DOCK8: variants seen among roughly 807,000 people sequenced by gnomAD.
DOCK8 encodes dedicator of cytokinesis 8.
In DOCK8, 141 loss-of-function variants were observed where a neutral mutation model predicts 245.6. That is an observed-to-expected ratio of 0.57 (90% CI 0.50 to 0.66). The LOEUF is 0.66. Ranked by LOEUF, DOCK8 falls within the 30% of genes least tolerant of loss-of-function variation. The pLI is 0.00. For synonymous variants in DOCK8, 1,168 were observed against 970.2 expected (o/e 1.20, Z -3.79); for missense variants, 2,965 against 2,603.4 (o/e 1.14, Z -3.02).
At chr9:259,463 A>T (rs1480168891) in intron 1 of DOCK8, among the ~76,000 whole-genome samples, 3 of 152,258 alleles carry the variant, frequency 2.0e-5, no homozygotes, top group Non-Finnish European at 4.4e-5. Flanking sequence ...TAATAAGCAT[A>T]GTAACTAACA....
chr9:220,085 C>G (rs774125092), intron 1 of DOCK8, among the ~76,000 whole-genome samples: 182 of 152,158 alleles, frequency 1.2e-3, no homozygotes, highest in Non-Finnish European at 2.2e-3. Context: ...GTGGGGGTGG[C>G]TGGCAGAGTG....
At chr9:352,120 A>G (rs1236043628) in intron 14 of DOCK8, among the ~76,000 whole-genome samples, 9 of 152,082 alleles carry the variant, frequency 5.9e-5, no homozygotes. Context: ...AACTCGGGGA[A>G]TGGGAGGCAT....
rs202229906 is a variant in DOCK8, at chr9:406,488, CAAAAAAAAA to C, written c.3391-428_3391-420del. Among the ~76,000 whole-genome samples, 93 of 95,256 alleles carry C rather than the reference CAAAAAAAAA, an allele frequency of 9.8e-4. 1 individual carries two copies. Among genetic ancestry groups the C allele is most frequent in the East Asian group, 1.7e-3 (7 of 4,224 alleles). 62.5% of individuals were successfully genotyped at this position (95,256 alleles called of 152,430 possible). A position where few individuals can be genotyped will look rare whatever the true frequency, so the allele number is the denominator to read the frequency against. On this transcript the variant is annotated intron_variant, in intron 27 of 47. Coordinates refer to ENST00000432829, the MANE Select transcript of DOCK8 (RefSeq NM_203447.4). ...GGTAACAGAGTGACACTCTGTCTTT[CAAAAAAAAA>C]AAAAAAAAAAAAAGAAGGTACCTGA...
chr9:211,437 A>G (rs960517456), upstream of DOCK8, among the ~76,000 whole-genome samples: 121 of 152,276 alleles, frequency 7.9e-4, no homozygotes, highest in African/African-American at 2.8e-3. Context: ...ATATGGTGAA[A>G]CAGGTATTTT....
chr9:352,639 A>AG (rs1036255155), intron 14 of DOCK8, among the ~76,000 whole-genome samples: 2 of 151,326 alleles, frequency 1.3e-5, no homozygotes, highest in African/African-American at 4.9e-5. Context: ...GCTACTTGGG[A>AG]GGCTGGGGCA....
chr9:247,944 T>C (rs1292603799), intron 1 of DOCK8, among the ~76,000 whole-genome samples: 3 of 150,358 alleles, frequency 2.0e-5, no homozygotes, highest in Non-Finnish European at 4.4e-5. Context: ...CCCCAATGTA[T>C]ATTGTATTAA....
chr9:399,107 T>A (rs766321773), intron 25 of DOCK8, 39 bp from the exon 26 acceptor site: 1 of 1,582,088 alleles, frequency 6.3e-7, no homozygotes, highest in Non-Finnish European at 8.7e-7. Flanking sequence ...AAATCCAGAG[T>A]GTCCCACAAA....
At chr9:398,290 G>A (rs141496586) in intron 25 of DOCK8, among the ~76,000 whole-genome samples, 1 of 152,158 alleles carries the variant, frequency 6.6e-6, no homozygotes, top group African/African-American at 2.4e-5. Context: ...AGAGTTCGAG[G>A]ACCTCTCAGC....
intron 20 of DOCK8, among the ~76,000 whole-genome samples, chr9:377,847 G>A (rs1294969862): frequency 3.3e-5 from 5 of 152,166 alleles, no homozygotes; most frequent in African/African-American, 4.8e-5. Context: ...TAAATACAAT[G>A]TGTACATTTT....
In DOCK8 at chr9:336,660, A is replaced by G; in HGVS notation, c.1364A>G (p.Asn455Ser). The change falls in exon 12 of 48, where the codon AAT becomes AGT. Residue 455 changes from asparagine to serine, a missense_variant. By Grantham distance (46) the Asn-to-Ser change is conservative. Around this residue, in one of 3 missense-constraint regions of DOCK8, gnomAD observed 2,825 missense variants for 2,453.5 expected, o/e 1.15. Coordinates refer to ENST00000432829, the MANE Select transcript of DOCK8 (RefSeq NM_203447.4). ...GAAAGAGCCCTCTCCTTGGAGGAAA[A>G]TGGGGTTGGATCCAACTTCAAAACC... ...LSERALSLEE[N>S]GVGSNFKTST... 4 of 1,614,106 alleles carry G rather than the reference A, an allele frequency of 2.5e-6. No individual in the cohort carries two copies. The highest frequency in any genetic ancestry group is 3.4e-6 in the Non-Finnish European group (4 of 1,180,006).
At chr9:392,046 G>A (rs2054217069) in intron 24 of DOCK8, among the ~76,000 whole-genome samples, 1 of 151,520 alleles carries the variant, frequency 6.6e-6, no homozygotes, top group African/African-American at 2.4e-5. Context: ...GCTGAGGCAG[G>A]AGAATTGCTT....
chr9:378,460 C>T (rs2053605629), intron 20 of DOCK8, among the ~76,000 whole-genome samples: 1 of 152,234 alleles, frequency 6.6e-6, no homozygotes, highest in Admixed American at 6.5e-5. Flanking sequence ...CCCTTAATCT[C>T]TCACTCTGCT....
In DOCK8 at chr9:464,077, A is replaced by G. The variant is rs957640656; in HGVS notation, c.6240-82A>G. 1.3e-5 allele frequency: 16 copies of G among 1,215,326 alleles called. No individual in the cohort carries two copies. In the African/African-American group the frequency reaches 1.6e-4, roughly 13 times the overall value. 75.3% of individuals were successfully genotyped at this position (1,215,326 alleles called of 1,614,324 possible). A position where few individuals can be genotyped will look rare whatever the true frequency, so the allele number is the denominator to read the frequency against. The stretch of plus-strand genomic sequence containing the variant: ...ATTTCTACTGGGTGATCCACCCCCA[A>G]CCCTTTCTAAAAGGCTAACTGATCT... On this transcript the variant is annotated intron_variant, in intron 47 of 47. Transcript: ENST00000432829.
chr9:355,974 G>T (rs2052423649), intron 14 of DOCK8, among the ~76,000 whole-genome samples: 1 of 152,112 alleles, frequency 6.6e-6, no homozygotes, highest in African/African-American at 2.4e-5. Context: ...TACATTCTTA[G>T]TAAATGACTT....
intron 1 of DOCK8, among the ~76,000 whole-genome samples, chr9:256,047 T>G (rs1159572606): frequency 6.6e-6 from 1 of 152,234 alleles, no homozygotes; most frequent in East Asian, 1.9e-4. Flanking sequence ...TTATTACTTC[T>G]GCATCTATCA....
intron 39 of DOCK8, among the ~76,000 whole-genome samples, chr9:435,671 A>C (rs1479881918): frequency 6.6e-6 from 1 of 152,192 alleles, no homozygotes; most frequent in Non-Finnish European, 1.5e-5. Flanking sequence ...CTGAATCAGT[A>C]CCTTCTTAGG....
chr9:369,806 T>G, intron 15 of DOCK8: 1 of 217,840 alleles, frequency 4.6e-6, no homozygotes, highest in South Asian at 6.5e-5. Context: ...GTCCCAGCAC[T>G]TTTTTTTTTC....
intron 14 of DOCK8, among the ~76,000 whole-genome samples, chr9:360,776 CAG>C (rs1225849511): frequency 6.6e-6 from 1 of 152,164 alleles, no homozygotes; most frequent in Non-Finnish European, 1.5e-5. Context: ...AGCCTCAGCT[CAG>C]AGTAGGAAAT....
intron 37 of DOCK8, 105 bp downstream of exon 37, chr9:432,429 C>A: frequency 8.9e-7 from 1 of 1,123,262 alleles, no homozygotes; most frequent in Non-Finnish European, 1.3e-6. Context: ...AAATATATAA[C>A]ATTTGCAAGT....
Sources: allele counts gnomAD v4.1 joint callset (sites outside exome capture counted in the v4.1 genomes callset), GRCh38; gene constraint gnomAD v4.1.1; regional missense constraint gnomAD v4.1.1; transcripts MANE v1.5; gene names NCBI Gene and HGNC (gene_info 2026-07-23, HGNC 2026-07-21).